The following LIN28A variants were observed in gnomAD, a reference collection of about 807,000 sequenced individuals.
LIN28A encodes protein lin-28 homolog A.
A neutral mutation model predicts 21.1 loss-of-function variants in LIN28A; 11 were observed. The observed-to-expected ratio is 0.52, with a 90% CI of 0.33 to 0.86. The LOEUF (loss-of-function observed/expected upper bound fraction) is 0.86, where lower values mean the gene tolerates loss of function less well. Among genes scored for constraint, LIN28A ranks in the 40% least tolerant of loss-of-function variants. The probability of loss-of-function intolerance (pLI) is 0.03; values close to 1 mark genes in which losing one functional copy is unlikely to be tolerated. For missense variants in LIN28A, 219 were observed against 279.8 expected (o/e 0.78, Z 1.55); for synonymous variants, 111 against 108.7 (o/e 1.02, Z -0.13).
chr1:26,411,317 G>A lies in LIN28A; in HGVS notation c.32-69G>A. The A allele has an allele frequency of 1.4e-6, 2 of 1,421,468 alleles. No individual in the cohort carries two copies. The highest frequency in any genetic ancestry group is 1.9e-6 in the Non-Finnish European group (2 of 1,079,368). The allele number at this position is 1,421,468 out of a possible 1,614,324, so 88.1% of individuals were successfully genotyped here. ...TGGGGCTGGATACTCGGGTCTCCCTGCCTGGGGCCCGAGACGGCCCTCCGA... is the reference window on the plus strand; with the variant it reads ...TGGGGCTGGATACTCGGGTCTCCCTACCTGGGGCCCGAGACGGCCCTCCGA... On this transcript the variant is annotated intron_variant, in intron 1 of 3. Coordinates refer to ENST00000326279, the MANE Select transcript of LIN28A (RefSeq NM_024674.6). The surrounding 1 kb of genome is among the most constrained non-coding windows in gnomAD (Gnocchi z 5.4).
At chr1:26,415,353 G>A (rs146065241) in intron 2 of LIN28A, among the ~76,000 whole-genome samples, 38 of 152,250 alleles carry the variant, frequency 2.5e-4, no homozygotes, top group Admixed American at 1.0e-3. Context: ...TTAGGGTTGC[G>A]GGGGCGGGTG....
intron 2 of LIN28A, among the ~76,000 whole-genome samples, chr1:26,417,532 C>T (rs996335687): frequency 2.0e-5 from 3 of 152,168 alleles, no homozygotes; most frequent in African/African-American, 7.2e-5. Context: ...ATGTGACTTG[C>T]ATCATAATGA....
intron 2 of LIN28A, among the ~76,000 whole-genome samples, chr1:26,417,349 C>T (rs978821702): frequency 6.6e-5 from 10 of 152,194 alleles, no homozygotes; most frequent in South Asian, 2.1e-4. Context: ...CCCTCCTTGA[C>T]ACACACACCA....
chr1:26,423,272 T>C (rs2075037703), intron 2 of LIN28A, among the ~76,000 whole-genome samples: 1 of 152,038 alleles, frequency 6.6e-6, no homozygotes, highest in South Asian at 2.1e-4. Flanking sequence ...AACTCCTGGA[T>C]TCATGTGATC....
chr1:26,422,767 T>C (rs963367906), intron 2 of LIN28A, among the ~76,000 whole-genome samples: 20 of 152,226 alleles, frequency 1.3e-4, no homozygotes, highest in Admixed American at 4.6e-4. Flanking sequence ...CAATTTAAAT[T>C]GTAATATCTG....
Position 26,411,019 on chromosome 1 carries a change from A to G in LIN28A, c.31+97A>G. 6.8e-7 allele frequency: 1 copy of G among 1,469,366 alleles called. No homozygotes were observed. Among genetic ancestry groups the G allele is most frequent in the Non-Finnish European group, 9.2e-7 (1 of 1,090,052 alleles). 91.0% of individuals were successfully genotyped at this position (1,469,366 alleles called of 1,614,324 possible). A position where few individuals can be genotyped will look rare whatever the true frequency, so the allele number is the denominator to read the frequency against. ...GGGAACTGAGTCCTAGGCTGCCCAA[A>G]GGACCCCAAGACGGTGCGGCCTTCT... On this transcript the variant is annotated intron_variant, in intron 1 of 3. Transcript: ENST00000326279. The surrounding 1 kb of genome is among the most constrained non-coding windows in gnomAD (Gnocchi z 5.4).
chr1:26,427,184 T>C lies in LIN28A; in HGVS notation c.*726T>C, dbSNP rs1229428068. 1 of 152,718 alleles carries C rather than the reference T, an allele frequency of 6.5e-6. No homozygotes were observed. The highest frequency in any genetic ancestry group is 6.5e-5 in the Admixed American group (1 of 15,290). 9.5% of individuals were successfully genotyped at this position (152,718 alleles called of 1,614,324 possible). On this transcript the variant is annotated 3_prime_UTR_variant, in exon 4 of 4. Coordinates refer to ENST00000326279, the MANE Select transcript of LIN28A (RefSeq NM_024674.6). ...AACTTTTTTTCCTTAATATAAATAT[T>C]CTGGTTTTGTATTTTTGTATATTTT... is the stretch of plus-strand genomic sequence containing the variant.
chr1:26,411,911 G>T lies in LIN28A; in HGVS notation c.228+329G>T, dbSNP rs974066359. Among the ~76,000 whole-genome samples the T allele has an allele frequency of 1.3e-5, 2 of 152,230 alleles. No individual in the cohort carries two copies. Among genetic ancestry groups the T allele is most frequent in the Non-Finnish European group, 2.9e-5 (2 of 68,044 alleles). On this transcript the variant is annotated intron_variant, in intron 2 of 3. Coordinates refer to ENST00000326279, the MANE Select transcript of LIN28A (RefSeq NM_024674.6). The surrounding 1 kb of genome is among the most constrained non-coding windows in gnomAD (Gnocchi z 5.4). ...TAAGGTTGTATTGTGCTTGCCGGTG[G>T]GGGGAGGGCGAGCAGGCCGGCCAGG...
chr1:26,422,754 A>T (rs909170408), intron 2 of LIN28A, among the ~76,000 whole-genome samples: 1 of 152,184 alleles, frequency 6.6e-6, no homozygotes, highest in Admixed American at 6.6e-5. Flanking sequence ...TGCTGATTAT[A>T]TCCAATTTAA....
intron 2 of LIN28A, among the ~76,000 whole-genome samples, chr1:26,423,785 C>T (rs1467222882): frequency 1.3e-5 from 2 of 151,478 alleles, no homozygotes; most frequent in East Asian, 2.0e-4. Context: ...TGTTTTGCGA[C>T]GGAGTCTTGC....
rs1482607261 is a variant in LIN28A, at chr1:26,411,350, C to T, written c.32-36C>T. 6 of 1,502,204 alleles carry T rather than the reference C, an allele frequency of 4.0e-6. No homozygotes were observed. Among genetic ancestry groups the T allele is most frequent in the Admixed American group, 4.7e-5 (2 of 42,784 alleles). The allele number at this position is 1,502,204 out of a possible 1,614,324, so 93.1% of individuals were successfully genotyped here. On this transcript the variant is annotated intron_variant, in intron 1 of 3. Transcript: ENST00000326279. This position sits in a 1 kb window ranked among gnomAD's most constrained non-coding sequence, Gnocchi z 5.4. ...CCCGAGACGGCCCTCCGATTCCGTG[C>T]CCCCCAGCTAAGTGCCCGGCCCTCC...
rs150921733 is a variant in LIN28A, at chr1:26,411,552, C to G, written c.198C>G (p.Leu66=). ...LSMTARAGVA[L]DPPVDVFVHQ... ...TGACCGCCCGCGCCGGGGTCGCGCT[C>G]GACCCCCCAGTGGATGTCTTTGTGC... The change falls in exon 2 of 4, where the codon CTC becomes CTG. Residue 66 remains leucine, a synonymous_variant. Coordinates refer to ENST00000326279, the MANE Select transcript of LIN28A (RefSeq NM_024674.6). The surrounding 1 kb of genome is among the most constrained non-coding windows in gnomAD (Gnocchi z 5.4). The G allele has an allele frequency of 3.7e-6, 6 of 1,613,726 alleles. No individual in the cohort carries two copies. The African/African-American group carries it at 6.7e-5, about 18-fold the overall frequency.
chr1:26,419,426 A>G (rs2075016086), intron 2 of LIN28A, among the ~76,000 whole-genome samples: 1 of 152,152 alleles, frequency 6.6e-6, no homozygotes, highest in African/African-American at 2.4e-5. Context: ...GCATGTCCCC[A>G]TTTATATGAT....
intron 2 of LIN28A, among the ~76,000 whole-genome samples, chr1:26,412,615 G>T (rs1557760108): frequency 6.6e-6 from 1 of 152,102 alleles, no homozygotes; most frequent in African/African-American, 2.4e-5. Context: ...ATCCCAGATC[G>T]TGTAGGTTGA....
intron 2 of LIN28A, among the ~76,000 whole-genome samples, chr1:26,416,522 T>G (rs997546639): frequency 2.0e-5 from 3 of 152,194 alleles, no homozygotes; most frequent in Admixed American, 6.5e-5. Context: ...CAGGCATGAA[T>G]AGCAACCACT....
chr1:26,419,923 T>C (rs2075018649), intron 2 of LIN28A, among the ~76,000 whole-genome samples: 1 of 152,104 alleles, frequency 6.6e-6, no homozygotes, highest in Non-Finnish European at 1.5e-5. Context: ...GCATCTCTTG[T>C]CCCACCCCGC....
Position 26,411,641 on chromosome 1 carries a change from G to C in LIN28A, c.228+59G>C. On this transcript the variant is annotated intron_variant, in intron 2 of 3. Transcript: ENST00000326279. The surrounding 1 kb of genome is among the most constrained non-coding windows in gnomAD (Gnocchi z 5.4). The stretch of plus-strand genomic sequence containing the variant: ...GGGCGTCTAGGCGCCCATATCCACG[G>C]GTGGGCTCCGGGCTCGCAGTTGAAT... 3.2e-6 allele frequency: 5 copies of C among 1,542,474 alleles called. No homozygotes were observed. The highest frequency in any genetic ancestry group is 4.4e-6 in the Non-Finnish European group (5 of 1,133,084).
At chr1:26,413,156 C>T (rs1358490040) in intron 2 of LIN28A, among the ~76,000 whole-genome samples, 3 of 152,024 alleles carry the variant, frequency 2.0e-5, no homozygotes, top group Non-Finnish European at 2.9e-5. Flanking sequence ...AGCAAGCCTC[C>T]CCCACTCTCC....
intron 2 of LIN28A, among the ~76,000 whole-genome samples, chr1:26,419,470 G>C (rs1336273332): frequency 6.6e-6 from 1 of 152,140 alleles, no homozygotes; most frequent in Non-Finnish European, 1.5e-5. Flanking sequence ...TGTCCATAGA[G>C]GAAGGTGTTA....
Sources: allele counts gnomAD v4.1 joint callset (sites outside exome capture counted in the v4.1 genomes callset), GRCh38; gene constraint gnomAD v4.1.1; non-coding constraint Gnocchi (gnomAD v3.1); transcripts MANE v1.5; gene names NCBI Gene and HGNC (gene_info 2026-07-23, HGNC 2026-07-21).